Variants in SEC24B observed in about 807,000 individuals in gnomAD.
The protein encoded by SEC24B is protein transport protein Sec24B.
In SEC24B, 45 loss-of-function variants were observed where a neutral mutation model predicts 142.8. The ratio of observed to expected loss-of-function variants is 0.32; its 90% CI spans 0.25 to 0.40. The LOEUF (loss-of-function observed/expected upper bound fraction) is 0.40. SEC24B is among the 10% of genes least tolerant of loss of function. SEC24B has a pLI of 1.00. For missense variants in SEC24B, 1,409 were observed against 1,526.8 expected (o/e 0.92, Z 1.29); for synonymous variants, 574 against 568.2 (o/e 1.01, Z -0.15).
intron 19 of SEC24B, 113 bp from the exon 20 acceptor site, chr4:109,531,272 G>A: frequency 2.4e-6 from 2 of 843,512 alleles, no homozygotes; most frequent in East Asian, 2.6e-5. Flanking sequence ...TTGAATCTAG[G>A]TCTGTCTGAT....
intron 10 of SEC24B, among the ~76,000 whole-genome samples, chr4:109,515,242 A>C (rs1384963856): frequency 1.3e-5 from 2 of 152,004 alleles, no homozygotes; most frequent in Non-Finnish European, 2.9e-5. Context: ...CTAGGACTAC[A>C]GGCTCCCGCC....
chr4:109,446,168 A>T (rs1729439681), intron 1 of SEC24B, among the ~76,000 whole-genome samples: 1 of 152,194 alleles, frequency 6.6e-6, no homozygotes, highest in Non-Finnish European at 1.5e-5. Context: ...TGCAGCAGTG[A>T]TTAAGTTAAG....
intron 4 of SEC24B, among the ~76,000 whole-genome samples, chr4:109,488,171 A>G (rs1396047111): frequency 6.6e-6 from 1 of 152,166 alleles, no homozygotes; most frequent in African/African-American, 2.4e-5. Context: ...AGTTTTTAGC[A>G]TATTCACAAA....
chr4:109,499,930 G>A (rs760807938), intron 6 of SEC24B, among the ~76,000 whole-genome samples: 14 of 152,096 alleles, frequency 9.2e-5, no homozygotes, highest in Non-Finnish European at 1.6e-4. Context: ...CCAGAAGAAG[G>A]CATTGTTATC....
At chr4:109,443,101 T>C (rs532872666) in intron 1 of SEC24B, among the ~76,000 whole-genome samples, 43 of 152,292 alleles carry the variant, frequency 2.8e-4, no homozygotes, top group South Asian at 1.9e-3. Context: ...TGCTCCCCTT[T>C]TCCCTCAAAT....
At chr4:109,435,920 C>T (rs1728372203) in intron 1 of SEC24B, among the ~76,000 whole-genome samples, 1 of 152,080 alleles carries the variant, frequency 6.6e-6, no homozygotes, top group Non-Finnish European at 1.5e-5. Context: ...GCAGAGGTTA[C>T]AGCATGAACT....
At chr4:109,526,785 G>T (rs1466906342) in intron 17 of SEC24B, among the ~76,000 whole-genome samples, 1 of 152,184 alleles carries the variant, frequency 6.6e-6, no homozygotes, top group Non-Finnish European at 1.5e-5. Context: ...TAGAATGAGT[G>T]ATATAGCGTA....
chr4:109,496,262 A>G (rs1459770105), intron 6 of SEC24B, among the ~76,000 whole-genome samples: 1 of 151,876 alleles, frequency 6.6e-6, no homozygotes, highest in African/African-American at 2.4e-5. Flanking sequence ...ACAGGTGCCC[A>G]CCACCATGCC....
intron 3 of SEC24B, among the ~76,000 whole-genome samples, chr4:109,477,586 A>G (rs1178003609): frequency 4.6e-5 from 7 of 152,178 alleles, no homozygotes; most frequent in Non-Finnish European, 5.9e-5. Flanking sequence ...TTGGCCTCCC[A>G]AGGTGCTCAG....
intron 2 of SEC24B, among the ~76,000 whole-genome samples, chr4:109,472,593 TACTC>T (rs67518796): frequency 0.093 from 14,082 of 152,190 alleles, 728 homozygotes; most frequent in Middle Eastern, 0.18. Flanking sequence ...AAAAACCTCT[TACTC>T]ACCTCCTTAC....
chr4:109,535,226 A>G (rs547822341), intron 22 of SEC24B, among the ~76,000 whole-genome samples: 7 of 152,290 alleles, frequency 4.6e-5, no homozygotes, highest in Non-Finnish European at 8.8e-5. Context: ...GGAACTGCCA[A>G]ACTGTTTTCC....
intron 2 of SEC24B, among the ~76,000 whole-genome samples, chr4:109,469,957 A>G (rs1732344646): frequency 6.6e-6 from 1 of 152,252 alleles, no homozygotes; most frequent in South Asian, 2.1e-4. Flanking sequence ...AACCAAAAGA[A>G]AAATACTTGA....
At chr4:109,459,945 A>G (rs1731089737) in intron 1 of SEC24B, among the ~76,000 whole-genome samples, 1 of 152,150 alleles carries the variant, frequency 6.6e-6, no homozygotes, top group Non-Finnish European at 1.5e-5. Context: ...AAGGAGGACA[A>G]CATTTTACTT....
intron 9 of SEC24B, among the ~76,000 whole-genome samples, chr4:109,513,288 T>A (rs527919315): frequency 0.034 from 4,222 of 123,886 alleles, 89 homozygotes; most frequent in Non-Finnish European, 0.055. Flanking sequence ...GATTATTATT[T>A]TTTTTTTTTT....
intron 1 of SEC24B, among the ~76,000 whole-genome samples, chr4:109,455,628 T>C (rs1730589510): frequency 6.6e-6 from 1 of 152,250 alleles, no homozygotes; most frequent in Non-Finnish European, 1.5e-5. Context: ...TATCTAGTTA[T>C]TCCAGCACCA....
chr4:109,500,696 G>C (rs1445406678), intron 6 of SEC24B, among the ~76,000 whole-genome samples: 5 of 152,078 alleles, frequency 3.3e-5, no homozygotes, highest in African/African-American at 1.2e-4. Context: ...CTGTCACCCA[G>C]GCTAGAGTGC....
At chr4:109,480,701 G>A (rs964304950) in intron 3 of SEC24B, among the ~76,000 whole-genome samples, 4 of 152,062 alleles carry the variant, frequency 2.6e-5, no homozygotes, top group Non-Finnish European at 4.4e-5. Flanking sequence ...GGATGGTCTC[G>A]ATCTCTTAAC....
chr4:109,461,627 A>G lies in SEC24B; in HGVS notation c.134-1274A>G, dbSNP rs1731266405. 4.6e-5 allele frequency among the ~76,000 whole-genome samples: 7 copies of G among 152,356 alleles called. No homozygotes were observed. The South Asian group carries it at 1.4e-3, about 32-fold the overall frequency. ...GTTTAAAAAATCAAGTAAATTATAT[A>G]CATGCTTACATATGCATTACATAGA... On this transcript the variant is annotated intron_variant, in intron 1 of 23. Transcript: ENST00000265175.
At chr4:109,500,194 CAA>C (rs1735967420) in intron 6 of SEC24B, among the ~76,000 whole-genome samples, 2 of 152,018 alleles carry the variant, frequency 1.3e-5, no homozygotes, top group African/African-American at 4.8e-5. Context: ...ACTGTTTTTG[CAA>C]AAGTCAAAAA....
Sources: allele counts gnomAD v4.1 joint callset (sites outside exome capture counted in the v4.1 genomes callset), GRCh38; gene constraint gnomAD v4.1.1; transcripts MANE v1.5; gene names NCBI Gene and HGNC (gene_info 2026-07-23, HGNC 2026-07-21).